ADCY9: variants seen among roughly 807,000 people sequenced by gnomAD.
ADCY9 encodes adenylate cyclase 9.
Under a neutral mutation model 101.5 loss-of-function variants are expected in ADCY9, and 50 were observed. The ratio of observed to expected loss-of-function variants is 0.49; its 90% CI spans 0.39 to 0.62. The LOEUF (loss-of-function observed/expected upper bound fraction) is 0.62. Among genes scored for constraint, ADCY9 ranks in the 20% least tolerant of loss-of-function variants. The probability of loss-of-function intolerance (pLI) is 0.00; values close to 1 mark genes in which losing one functional copy is unlikely to be tolerated. For synonymous variants in ADCY9, 905 were observed against 769.3 expected, an observed-to-expected ratio of 1.18 and a Z score of -2.92; for missense variants, 1,662 against 1,800.4, an observed-to-expected ratio of 0.92 and a Z score of 1.39.
intron 2 of ADCY9, among the ~76,000 whole-genome samples, chr16:4,087,636 CAT>C (rs1473812954): frequency 6.6e-6 from 1 of 151,272 alleles, no homozygotes; most frequent in Non-Finnish European, 1.5e-5. Flanking sequence ...AGTCTGTGGG[CAT>C]AAACACTCAG....
At chr16:4,060,887 C>A (rs1284066706) in intron 2 of ADCY9, among the ~76,000 whole-genome samples, 1 of 152,020 alleles carries the variant, frequency 6.6e-6, no homozygotes, top group East Asian at 1.9e-4. Flanking sequence ...TAAGGGGGCC[C>A]AGATATTGGA....
At chr16:4,001,659 C>A (rs1049385889) in intron 3 of ADCY9, among the ~76,000 whole-genome samples, 3 of 152,184 alleles carry the variant, frequency 2.0e-5, no homozygotes, top group Non-Finnish European at 4.4e-5. Flanking sequence ...AGCGATCCTC[C>A]CACCTCAGCC....
intron 2 of ADCY9, among the ~76,000 whole-genome samples, chr16:4,040,268 T>C (rs1267682000): frequency 6.6e-6 from 1 of 152,112 alleles, no homozygotes; most frequent in Non-Finnish European, 1.5e-5. Context: ...CACTACACAA[T>C]TACCTCAGAC....
chr16:4,114,989 A>G lies in ADCY9; in HGVS notation c.454T>C (p.Phe152Leu). ...AAGAAGCCCACACACACCAGGAGGA[A>G]GCACAGCGCGGGGGCGACCATGACG... ...LIVMVAPALC[F>L]LLVCVGFFLF... Residue 152 changes from phenylalanine to leucine, a missense_variant, in exon 2 of 11, where the codon TTC becomes CTC. Phe to Leu is a conservative substitution (Grantham distance 22). Coordinates refer to ENST00000294016, the MANE Select transcript of ADCY9 (RefSeq NM_001116.4). This position sits in a 1 kb window ranked among gnomAD's most constrained non-coding sequence, Gnocchi z 4.3. 6.2e-7 allele frequency: 1 copy of G among 1,614,070 alleles called. No homozygotes were observed. The highest frequency in any genetic ancestry group is 2.2e-5 in the East Asian group (1 of 44,886).
chr16:3,974,674 A>T lies in ADCY9; in HGVS notation c.2865T>A (p.Asn955Lys). ...VLTSPLDAVQ[N>K]FSSERNPCNS... ...GTGCAATATTAAAAGCTTACCTGAAATTCTGTACTGCGTCAAGGGGCGAAG... is the reference window on the plus strand; with the variant it reads ...GTGCAATATTAAAAGCTTACCTGAATTTCTGTACTGCGTCAAGGGGCGAAG... Residue 955 changes from asparagine to lysine, a missense_variant, in exon 10 of 11, where the codon AAT becomes AAA. By Grantham distance (94) the Asn-to-Lys change is moderately conservative (BLOSUM62 0). Coordinates refer to ENST00000294016, the MANE Select transcript of ADCY9 (RefSeq NM_001116.4). The T allele has an allele frequency of 2.5e-6, 4 of 1,612,680 alleles. No homozygotes were observed. Among genetic ancestry groups the T allele is most frequent in the Non-Finnish European group, 3.4e-6 (4 of 1,178,832 alleles).
At chr16:4,021,259 C>A (rs929378390) in intron 2 of ADCY9, among the ~76,000 whole-genome samples, 5 of 152,212 alleles carry the variant, frequency 3.3e-5, no homozygotes, top group Admixed American at 6.5e-5. Context: ...TTTAACTAGG[C>A]CTGAAGCCAC....
chr16:3,962,072 CA>C (rs2055942979), downstream of ADCY9, among the ~76,000 whole-genome samples: 1 of 151,910 alleles, frequency 6.6e-6, no homozygotes, highest in African/African-American at 2.4e-5. Flanking sequence ...AAAACCCCTA[CA>C]GGGGAAGGGG....
At chr16:3,967,217 T>C (rs2056006879) in intron 10 of ADCY9, among the ~76,000 whole-genome samples, 1 of 152,206 alleles carries the variant, frequency 6.6e-6, no homozygotes, top group Non-Finnish European at 1.5e-5. Context: ...CTTGCACTCC[T>C]GGGCTCAAGC....
At chr16:3,972,261 G>T (rs1325586015) in intron 10 of ADCY9, among the ~76,000 whole-genome samples, 2 of 147,912 alleles carry the variant, frequency 1.4e-5, no homozygotes, top group African/African-American at 2.5e-5. Flanking sequence ...ATGGAGTCTT[G>T]CTCTGTCCCC....
chr16:4,065,356 G>A (rs957439983), intron 2 of ADCY9, among the ~76,000 whole-genome samples: 8 of 152,166 alleles, frequency 5.3e-5, no homozygotes, highest in South Asian at 4.1e-4. Context: ...CCCTGTTTTC[G>A]TTTCCTTTCA....
chr16:4,079,180 A>G (rs1036686799), intron 2 of ADCY9, among the ~76,000 whole-genome samples: 2 of 152,236 alleles, frequency 1.3e-5, no homozygotes, highest in Admixed American at 6.5e-5. Context: ...CAAAGCTGGA[A>G]ACAATCTACA....
At position 4,114,296 on chromosome 16, in the gene ADCY9, G is replaced by A; in HGVS notation, c.1147C>T (p.Arg383Cys). ...TCGATCTGCTGCATCTTAAAAGGGC[G>A]GAAGGCTATAGGAGCTTTTTGGATG... The part of the protein sequence containing the change: ...SSIQKAPIAF[R>C]PFKMQQIEEV... The change falls in exon 2 of 11, where the codon CGC becomes TGC. Residue 383 changes from arginine (R) to cysteine (C), a missense_variant. Physicochemically the swap from Arg to Cys is radical, Grantham distance 180. Transcript: ENST00000294016. This position sits in a 1 kb window ranked among gnomAD's most constrained non-coding sequence, Gnocchi z 4.3. 4 of 1,613,938 alleles carry A rather than the reference G, an allele frequency of 2.5e-6. No individual in the cohort carries two copies. The highest frequency in any genetic ancestry group is 1.7e-5 in the Admixed American group (1 of 60,026).
chr16:4,094,562 G>A (rs1208873854), intron 2 of ADCY9, among the ~76,000 whole-genome samples: 9 of 151,918 alleles, frequency 5.9e-5, no homozygotes, highest in Non-Finnish European at 8.8e-5. Context: ...CGTAATCCTA[G>A]CACTTTGGGA....
At chr16:4,085,142 G>A (rs554649903) in intron 2 of ADCY9, among the ~76,000 whole-genome samples, 16 of 152,070 alleles carry the variant, frequency 1.1e-4, no homozygotes, top group South Asian at 2.1e-4. Context: ...TGGGCAGATC[G>A]CTTGAGGTCA....
At chr16:4,066,724 G>C (rs1002915670) in intron 2 of ADCY9, among the ~76,000 whole-genome samples, 5 of 151,952 alleles carry the variant, frequency 3.3e-5, no homozygotes, top group Admixed American at 3.3e-4. Context: ...ATATTGTCCA[G>C]TAACATTTAC....
Position 4,018,258 on chromosome 16 carries a change from G to A in ADCY9, c.1694-10700C>T, listed in dbSNP as rs375882307. ...AGATGGAGTCTCGCTCTGTTGCCCA[G>A]GCAGGAGTGCAGTGGCATGATCTCG... On this transcript the variant is annotated intron_variant, in intron 2 of 10. Transcript: ENST00000294016. Among the ~76,000 whole-genome samples, 17 of 149,270 alleles carry A rather than the reference G, an allele frequency of 1.1e-4. 3 individuals are homozygous for A. The highest frequency in any genetic ancestry group is 3.9e-4 in the African/African-American group (16 of 40,618).
Position 3,988,975 on chromosome 16 carries a change from C to G in ADCY9, c.2310+19G>C, listed in dbSNP as rs2056221185. On this transcript the variant is annotated intron_variant, in intron 6 of 10. Transcript: ENST00000294016. ...ACAAACACATTCTTTAGTAAAAGCGCAAGGAGAAATGAACGCACCTCTTCC... is the reference window on the plus strand; with the variant it reads ...ACAAACACATTCTTTAGTAAAAGCGGAAGGAGAAATGAACGCACCTCTTCC... The G allele has an allele frequency of 6.3e-7, 1 of 1,580,746 alleles. No individual in the cohort carries two copies.
chr16:4,095,106 G>A (rs1310897177), intron 2 of ADCY9, among the ~76,000 whole-genome samples: 3 of 150,424 alleles, frequency 2.0e-5, no homozygotes, highest in African/African-American at 4.9e-5. Flanking sequence ...AGGTTCAAGC[G>A]ATTCTCCTGT....
chr16:3,992,277 C>T lies in ADCY9; in HGVS notation c.2076G>A (p.Leu692=), dbSNP rs773837894. The change falls in exon 5 of 11, where the codon CTG becomes CTA. Residue 692 remains leucine (L), a synonymous_variant. Transcript: ENST00000294016. The surrounding 1 kb of genome is among the most constrained non-coding windows in gnomAD (Gnocchi z 4.2). Reference sequence around the variant, plus strand: ...TTCCCTTCTCCTGCAAGATCTCACACAGAGAAGTCTGACTGTTGGTGAGCT... The same window carrying T: ...TTCCCTTCTCCTGCAAGATCTCACATAGAGAAGTCTGACTGTTGGTGAGCT... The part of the protein sequence containing the change: ...EEKLTNSQTS[L]CEILQEKGRW... 15 of 1,614,088 alleles carry T rather than the reference C, an allele frequency of 9.3e-6. No homozygotes were observed. Among genetic ancestry groups the T allele is most frequent in the Non-Finnish European group, 1.1e-5 (13 of 1,180,044 alleles).
Sources: gnomAD v4.1 joint callset for allele counts (sites outside exome capture counted in the v4.1 genomes callset) on GRCh38, gnomAD v4.1.1 for gene constraint, Gnocchi (gnomAD v3.1) non-coding constraint, MANE v1.5 for transcripts, NCBI Gene and HGNC (gene_info 2026-07-23, HGNC 2026-07-21) for gene names.